Variants in DOC2B observed in about 807,000 individuals in gnomAD.
The protein encoded by DOC2B is double C2 domain beta.
A neutral mutation model predicts 28.9 loss-of-function variants in DOC2B; 21 were observed. The ratio of observed to expected loss-of-function variants is 0.73; its 90% CI spans 0.52 to 1.05. The LOEUF is 1.05. DOC2B is among the 50% of genes least tolerant of loss of function. DOC2B has a pLI of 0.00. For synonymous variants in DOC2B, 194 were observed against 178.1 expected (o/e 1.09, Z -0.71); for missense variants, 384 against 421.1 (o/e 0.91, Z 0.77).
At chr17:152,423 T>A (rs1430186374) in intron 6 of DOC2B, among the ~76,000 whole-genome samples, 9 of 152,170 alleles carry the variant, frequency 5.9e-5, no homozygotes, top group Non-Finnish European at 2.9e-5. Flanking sequence ...TGGGGTCAAC[T>A]TCCGGCCTGG....
intron 1 of DOC2B, among the ~76,000 whole-genome samples, chr17:178,559 C>G (rs1412732987): frequency 6.6e-6 from 1 of 152,250 alleles, no homozygotes; most frequent in Non-Finnish European, 1.5e-5. Flanking sequence ...CCTAGGAGAA[C>G]TGGCAGGGCC....
At chr17:155,524 CAG>C (rs1320526846) in intron 6 of DOC2B, among the ~76,000 whole-genome samples, 1 of 152,136 alleles carries the variant, frequency 6.6e-6, no homozygotes, top group Non-Finnish European at 1.5e-5. Flanking sequence ...CTCAGTTTTC[CAG>C]AGTCTCCCTG....
chr17:177,852 G>A (rs1225134484), intron 1 of DOC2B, among the ~76,000 whole-genome samples: 1 of 152,284 alleles, frequency 6.6e-6, no homozygotes, highest in African/African-American at 2.4e-5. Flanking sequence ...CTAACACGGA[G>A]AACCTTTGTG....
At position 181,166 on chromosome 17, in the gene DOC2B, G is replaced by C. The variant is rs1028870671; in HGVS notation, c.314C>G (p.Pro105Arg). 4.0e-6 allele frequency: 5 copies of C among 1,252,182 alleles called. No homozygotes were observed. In the African/African-American group the frequency reaches 4.7e-5, roughly 12 times the overall value. The allele number at this position is 1,252,182 out of a possible 1,614,324, so 77.6% of individuals were successfully genotyped here. ...CTCGTCCTCCGGCGGCTTGGCTGGC[G>C]GCCGCGCGGGGCTGGGACCCGGGCT... The part of the protein sequence containing the change: ...GPSPGPSPAR[P>R]PAKPPEDEPD... The change falls in exon 1 of 9, where the codon CCG becomes CGG. Residue 105 changes from proline to arginine, a missense_variant. Physicochemically the swap from Pro to Arg is moderately radical, Grantham distance 103. Coordinates refer to ENST00000613549, the MANE Select transcript of DOC2B (RefSeq NM_003585.5). This position sits in a 1 kb window ranked among gnomAD's most constrained non-coding sequence, Gnocchi z 7.0.
chr17:175,796 G>C (rs1260090902), intron 1 of DOC2B, among the ~76,000 whole-genome samples: 1 of 152,236 alleles, frequency 6.6e-6, no homozygotes, highest in African/African-American at 2.4e-5. Context: ...AGCTCCTGGA[G>C]GGGAGAAGCC....
rs926631254 is a variant in DOC2B, at chr17:154,712, A to G, written c.923+1508T>C. The stretch of plus-strand genomic sequence containing the variant: ...AGCTGCTTCCCAAAGTGGCCATCCC[A>G]TTATTCTCATATTATTTTTATTTGT... On this transcript the variant is annotated intron_variant, in intron 6 of 8. Coordinates refer to ENST00000613549, the MANE Select transcript of DOC2B (RefSeq NM_003585.5). Among the ~76,000 whole-genome samples, 10 of 152,066 alleles carry G rather than the reference A, an allele frequency of 6.6e-5. 1 individual carries two copies. The highest frequency in any genetic ancestry group is 2.4e-4 in the African/African-American group (10 of 41,412).
chr17:169,660 C>T (rs1335976613), intron 2 of DOC2B, among the ~76,000 whole-genome samples: 1 of 152,124 alleles, frequency 6.6e-6, no homozygotes, highest in Non-Finnish European at 1.5e-5. Flanking sequence ...ACCCTATTTA[C>T]AGATGGGCAA....
At chr17:155,776 G>A (rs1446950067) in intron 6 of DOC2B, among the ~76,000 whole-genome samples, 1 of 152,226 alleles carries the variant, frequency 6.6e-6, no homozygotes, top group Non-Finnish European at 1.5e-5. Flanking sequence ...AGAGCTGGGT[G>A]GACTCTTATC....
At chr17:151,511 A>G (rs943693870) in intron 6 of DOC2B, among the ~76,000 whole-genome samples, 12 of 152,130 alleles carry the variant, frequency 7.9e-5, no homozygotes, top group African/African-American at 2.7e-4. Context: ...GGGGTTTTGG[A>G]TTTACAGCTT....
At chr17:151,857 C>T (rs1241852585) in intron 6 of DOC2B, among the ~76,000 whole-genome samples, 6 of 152,190 alleles carry the variant, frequency 3.9e-5, no homozygotes, top group Non-Finnish European at 8.8e-5. Flanking sequence ...GCTCCAGCCT[C>T]GGCACCTTCA....
intron 5 of DOC2B, among the ~76,000 whole-genome samples, chr17:157,582 C>T (rs1469775507): frequency 1.3e-5 from 2 of 152,278 alleles, no homozygotes; most frequent in East Asian, 1.9e-4. Flanking sequence ...CTGCCTCAGC[C>T]TTCTGAGTAG....
intron 5 of DOC2B, among the ~76,000 whole-genome samples, chr17:160,182 G>A (rs1597823418): frequency 1.3e-5 from 2 of 152,082 alleles, no homozygotes; most frequent in African/African-American, 2.4e-5. Flanking sequence ...ACGGGGTTTC[G>A]CCATGTTGGC....
chr17:173,332 C>T (rs2040334078), intron 1 of DOC2B, among the ~76,000 whole-genome samples: 1 of 152,126 alleles, frequency 6.6e-6, no homozygotes, highest in Non-Finnish European at 1.5e-5. Context: ...CGGCTCCCAG[C>T]ATGGAGGCCA....
chr17:154,352 G>T (rs900655402), intron 6 of DOC2B, among the ~76,000 whole-genome samples: 2 of 147,732 alleles, frequency 1.4e-5, no homozygotes, highest in Non-Finnish European at 1.5e-5. Flanking sequence ...CTCCTTCTTA[G>T]GGCTGATATT....
At chr17:176,281 C>T (rs924064055) in intron 1 of DOC2B, among the ~76,000 whole-genome samples, 14 of 151,950 alleles carry the variant, frequency 9.2e-5, no homozygotes, top group Non-Finnish European at 4.4e-5. Flanking sequence ...CTCCCAGGCT[C>T]AAACGATCCT....
At chr17:158,882 T>C (rs1164593791) in intron 5 of DOC2B, among the ~76,000 whole-genome samples, 1 of 148,116 alleles carries the variant, frequency 6.8e-6, no homozygotes, top group Non-Finnish European at 1.5e-5. Flanking sequence ...CCATCTCTAC[T>C]AAAAATACAA....
Position 153,931 on chromosome 17 carries a change from C to G in DOC2B, c.923+2289G>C, listed in dbSNP as rs191550025. Among the ~76,000 whole-genome samples, 399 of 152,302 alleles carry G rather than the reference C, an allele frequency of 2.6e-3. 1 individual carries two copies. The highest frequency in any genetic ancestry group is 3.8e-3 in the Non-Finnish European group (257 of 68,030). On this transcript the variant is annotated intron_variant, in intron 6 of 8. Coordinates refer to ENST00000613549, the MANE Select transcript of DOC2B (RefSeq NM_003585.5). Reference sequence around the variant, plus strand: ...ACTTCATAGTACCACATTCTACACACTGCCCATGTCCCCTCAAGCTTCCCC... The same window carrying G: ...ACTTCATAGTACCACATTCTACACAGTGCCCATGTCCCCTCAAGCTTCCCC...
rs1438584896 is a variant in DOC2B, at chr17:144,086, C to T, written c.*3355G>A. ...TTGGCGCAGGCGGCGGGCGGGGCGG[C>T]GGGCGGGGCGGCGGGCGGGGCGGCG... On this transcript the variant is annotated 3_prime_UTR_variant, in exon 9 of 9. Transcript: ENST00000613549. 1 of 49,070 alleles carries T rather than the reference C, an allele frequency of 2.0e-5. No individual in the cohort carries two copies. The highest frequency in any genetic ancestry group is 4.5e-4 in the East Asian group (1 of 2,238). The allele number at this position is 49,070 out of a possible 1,614,324, so 3.0% of individuals were successfully genotyped here.
Position 171,855 on chromosome 17 carries a change from GGGAGA to G in DOC2B, c.453+677_453+681del, listed in dbSNP as rs1597747066. On this transcript the variant is annotated intron_variant, in intron 2 of 8. Transcript: ENST00000613549. ...CCAGGGGCCGGGCCAGGCTGCAGAG[GGGAGA>G]GCACCAGGGGCCGGGCCAGGCTGCA... 1.0e-3 allele frequency among the ~76,000 whole-genome samples: 5 copies of G among 4,902 alleles called. 1 individual carries two copies. Among genetic ancestry groups the G allele is most frequent in the Non-Finnish European group, 1.7e-3 (4 of 2,316 alleles). 3.2% of individuals were successfully genotyped at this position (4,902 alleles called of 152,430 possible).
Sources: gnomAD v4.1 joint callset for allele counts (sites outside exome capture counted in the v4.1 genomes callset) on GRCh38, gnomAD v4.1.1 for gene constraint, Gnocchi (gnomAD v3.1) non-coding constraint, MANE v1.5 for transcripts, NCBI Gene and HGNC (gene_info 2026-07-23, HGNC 2026-07-21) for gene names.